Variants in ATXN1 observed in about 807,000 individuals in gnomAD.
The protein encoded by ATXN1 is ataxin-1.
A neutral mutation model predicts 56.4 loss-of-function variants in ATXN1; 8 were observed. That is an observed-to-expected ratio of 0.14 (90% CI 0.08 to 0.26). The LOEUF (loss-of-function observed/expected upper bound fraction) is 0.26, where lower values mean the gene tolerates loss of function less well. ATXN1 is among the 10% of genes least tolerant of loss of function. The pLI, the probability that ATXN1 is intolerant of heterozygous loss-of-function variation, is 1.00. For synonymous variants in ATXN1, 514 were observed against 494.6 expected (o/e 1.04, Z -0.52); for missense variants, 987 against 1,106.5 (o/e 0.89, Z 1.53).
chr6:16,450,261 A>G (rs1759727665), intron 6 of ATXN1, among the ~76,000 whole-genome samples: 1 of 152,182 alleles, frequency 6.6e-6, no homozygotes, highest in African/African-American at 2.4e-5. Context: ...GATTGCAAAC[A>G]CTCAGATATA....
chr6:16,322,586 G>T (rs1760679485), intron 7 of ATXN1, among the ~76,000 whole-genome samples: 2 of 152,158 alleles, frequency 1.3e-5, no homozygotes, highest in African/African-American at 4.8e-5. Flanking sequence ...TTCTCTGTGG[G>T]TGCAGTGTCA....
Position 16,327,547 on chromosome 6 carries a change from T to A in ATXN1, c.764A>T (p.Gln255Leu). 6.2e-7 allele frequency: 1 copy of A among 1,607,776 alleles called. No individual in the cohort carries two copies. Residue 255 changes from glutamine to leucine, a missense_variant, in exon 7 of 8, where the codon CAG (glutamine) becomes CTG (leucine). This residue lies in a region of ATXN1 where 723 missense variants were observed against 791.7 expected (regional missense o/e 0.91). Transcript: ENST00000436367. ...AGGAGAGGCGGTGCGGCCGGTGTTCTGCGGAGAACTGGAAATGTGGACGTA... is the reference window on the plus strand; with the variant it reads ...AGGAGAGGCGGTGCGGCCGGTGTTCAGCGGAGAACTGGAAATGTGGACGTA... ...NQYVHISSSP[Q>L]NTGRTASPPA...
rs897898854 is a variant in ATXN1 at position 16,585,925 on chromosome 6, A to T, written c.-488-18T>A. ...GCCTAGACCTGTAATTATAAAAACA[A>T]TATTCTCACTGAGTTAGGCTGCTTC... On this transcript the variant is annotated intron_variant, in intron 3 of 7. Transcript: ENST00000436367. 1 of 152,170 alleles carries T rather than the reference A, an allele frequency of 6.6e-6. No homozygotes were observed. The highest frequency in any genetic ancestry group is 1.5e-5 in the Non-Finnish European group (1 of 68,040). 9.4% of individuals were successfully genotyped at this position (152,170 alleles called of 1,614,324 possible). A position where few individuals can be genotyped will look rare whatever the true frequency, so the allele number is the denominator to read the frequency against.
chr6:16,444,040 T>C (rs554356517), intron 6 of ATXN1, among the ~76,000 whole-genome samples: 15 of 149,720 alleles, frequency 1.0e-4, no homozygotes, highest in South Asian at 8.4e-4. Flanking sequence ...GGCGTGAACC[T>C]GGGAGGTGGA....
At position 16,423,586 on chromosome 6, in the gene ATXN1, G is replaced by A. The variant is rs73366721; in HGVS notation, c.-161+62386C>T. Among the ~76,000 whole-genome samples the A allele has an allele frequency of 8.0e-3, 1,224 of 152,272 alleles. 15 individuals are homozygous for A. Among genetic ancestry groups the A allele is most frequent in the African/African-American group, 0.027 (1,140 of 41,550 alleles). On this transcript the variant is annotated intron_variant, in intron 6 of 7. Coordinates refer to ENST00000436367, the MANE Select transcript of ATXN1 (RefSeq NM_001128164.2). ...GCTTCTTGCCACTGGCTGCAATGAC[G>A]CTCCCCAGTGAGGTGGAGGCCTAGA...
At chr6:16,705,091 C>T (rs1454538972) in intron 2 of ATXN1, among the ~76,000 whole-genome samples, 2 of 152,222 alleles carry the variant, frequency 1.3e-5, no homozygotes, top group Non-Finnish European at 2.9e-5. Flanking sequence ...AGGAATATGA[C>T]ACGATTGCCC....
chr6:16,701,823 C>G lies in ATXN1; in HGVS notation c.-614-43922G>C, dbSNP rs555930271. On this transcript the variant is annotated intron_variant, in intron 2 of 7. Coordinates refer to ENST00000436367, the MANE Select transcript of ATXN1 (RefSeq NM_001128164.2). The stretch of plus-strand genomic sequence containing the variant: ...AGGAGAACTACAAACCACTGCTCAA[C>G]GAAATAAAAGAGGATACAAACAAAT... Among the ~76,000 whole-genome samples, 24 of 151,972 alleles carry G rather than the reference C, an allele frequency of 1.6e-4. No individual in the cohort carries two copies. In the East Asian group the frequency reaches 4.1e-3, roughly 26 times the overall value.
chr6:16,668,777 T>A (rs114536718), intron 2 of ATXN1, among the ~76,000 whole-genome samples: 2,067 of 151,912 alleles, frequency 0.014, 52 homozygotes, highest in Admixed American at 0.055. Context: ...GCTTTTATTA[T>A]TTTATTTTAT....
At chr6:16,397,254 GTTTTGTTTTTTGTTT>G (rs564712537) in intron 6 of ATXN1, among the ~76,000 whole-genome samples, 44 of 151,992 alleles carry the variant, frequency 2.9e-4, no homozygotes, top group South Asian at 8.3e-4. Flanking sequence ...TAAACTTTTT[GTTTTGTTTTTTGTTT>G]TTTTGTTTTT....
chr6:16,308,046 C>A (rs1262502176), intron 7 of ATXN1, among the ~76,000 whole-genome samples: 1 of 151,952 alleles, frequency 6.6e-6, no homozygotes, highest in Non-Finnish European at 1.5e-5. Flanking sequence ...CCCAGCTACT[C>A]AGGAGGCTGA....
chr6:16,449,561 C>A (rs1260325488), intron 6 of ATXN1, among the ~76,000 whole-genome samples: 2 of 152,118 alleles, frequency 1.3e-5, no homozygotes, highest in Non-Finnish European at 2.9e-5. Flanking sequence ...AAAGTGTTTT[C>A]TCCCTCTAAT....
At chr6:16,516,897 T>G (rs1328647436) in intron 5 of ATXN1, among the ~76,000 whole-genome samples, 2 of 152,222 alleles carry the variant, frequency 1.3e-5, no homozygotes, top group East Asian at 3.9e-4. Flanking sequence ...CTTTTCACCC[T>G]CCAACTCACA....
intron 6 of ATXN1, among the ~76,000 whole-genome samples, chr6:16,450,859 A>C (rs1299421828): frequency 9.2e-5 from 14 of 152,308 alleles, no homozygotes; most frequent in Middle Eastern, 3.4e-3. Context: ...ACAGGTGTCC[A>C]TCCCCATCCT....
chr6:16,691,790 T>G (rs2113419284), intron 2 of ATXN1, among the ~76,000 whole-genome samples: 1 of 152,324 alleles, frequency 6.6e-6, no homozygotes, highest in South Asian at 2.1e-4. Flanking sequence ...TCTGTGTGCC[T>G]CCAAAATTCA....
chr6:16,418,656 C>T (rs1416135442), intron 6 of ATXN1, among the ~76,000 whole-genome samples: 4 of 150,626 alleles, frequency 2.7e-5, no homozygotes, highest in Non-Finnish European at 4.4e-5. Flanking sequence ...GTGCTGCACC[C>T]ATTAACTCGT....
At chr6:16,658,323 A>G (rs1179012880) in intron 2 of ATXN1, among the ~76,000 whole-genome samples, 2 of 152,234 alleles carry the variant, frequency 1.3e-5, no homozygotes, top group African/African-American at 4.8e-5. Flanking sequence ...GACTCAGACT[A>G]ATCAACTGAT....
chr6:16,464,065 G>T (rs1438459827), intron 6 of ATXN1, among the ~76,000 whole-genome samples: 2 of 152,192 alleles, frequency 1.3e-5, no homozygotes, highest in Admixed American at 1.3e-4. Context: ...TCATCACCCA[G>T]TTCCCAACAG....
chr6:16,571,581 T>A (rs1762333021), intron 4 of ATXN1, among the ~76,000 whole-genome samples: 1 of 151,936 alleles, frequency 6.6e-6, no homozygotes, highest in Admixed American at 6.6e-5. Context: ...AACCTTGAAC[T>A]CCTGGGCTCA....
In ATXN1 at chr6:16,328,203, G is replaced by T; in HGVS notation, c.108C>A (p.Asp36Glu). The change falls in exon 7 of 8, where the codon GAC (aspartate) becomes GAA (glutamate). Residue 36 changes from aspartate (D) to glutamate (E), a missense_variant. Coordinates refer to ENST00000436367, the MANE Select transcript of ATXN1 (RefSeq NM_001128164.2). This position sits in a 1 kb window ranked among gnomAD's most constrained non-coding sequence, Gnocchi z 6.2. ...ATGCTGTGCCCTCCACCCGGTGGTT[G>T]TCGCTGGGCAGGGTAGGGGCCTTCT... ...SEEKAPTLPS[D>E]NHRVEGTAWL... 1 of 1,598,120 alleles carries T rather than the reference G, an allele frequency of 6.3e-7. No homozygotes were observed. The highest frequency in any genetic ancestry group is 8.5e-7 in the Non-Finnish European group (1 of 1,169,980).
Sources: gnomAD v4.1 joint callset for allele counts (sites outside exome capture counted in the v4.1 genomes callset) on GRCh38, gnomAD v4.1.1 for gene constraint, gnomAD v4.1.1 regional missense constraint, Gnocchi (gnomAD v3.1) non-coding constraint, MANE v1.5 for transcripts, NCBI Gene and HGNC (gene_info 2026-07-23, HGNC 2026-07-21) for gene names.